Variants in BRAF observed in about 807,000 individuals in gnomAD.
BRAF encodes the protein B-Raf proto-oncogene, serine/threonine kinase.
BRAF carries 16 observed loss-of-function variants against 104.6 expected under a neutral mutation model. The ratio of observed to expected loss-of-function variants is 0.15; its 90% CI spans 0.10 to 0.23. BRAF has a LOEUF of 0.23. Among genes scored for constraint, BRAF ranks in the 10% least tolerant of loss-of-function variants. The probability of loss-of-function intolerance (pLI) is 1.00; values close to 1 mark genes in which losing one functional copy is unlikely to be tolerated. For synonymous variants in BRAF, 310 were observed against 341.6 expected, an observed-to-expected ratio of 0.91 and a Z score of 1.02; for missense variants, 541 against 937.3, an observed-to-expected ratio of 0.58 and a Z score of 5.52.
intron 18 of BRAF, among the ~76,000 whole-genome samples, chr7:140,738,998 G>A (rs1162129760): frequency 2.7e-5 from 4 of 146,976 alleles, no homozygotes; most frequent in African/African-American, 7.6e-5. Flanking sequence ...GAGTTATCAA[G>A]AATTAGGTAA....
intron 1 of BRAF, among the ~76,000 whole-genome samples, chr7:140,899,132 A>G (rs1006980302): frequency 1.3e-5 from 2 of 152,090 alleles, no homozygotes; most frequent in African/African-American, 4.8e-5. Flanking sequence ...ATATATTCAC[A>G]CATTTCTCTA....
chr7:140,825,098 C>T (rs1267608), intron 3 of BRAF, among the ~76,000 whole-genome samples: 45,002 of 151,160 alleles, frequency 0.3, 10,679 homozygotes, highest in African/African-American at 0.66. Flanking sequence ...GCCTCCCGAG[C>T]AGCTGGGGTT....
At position 140,719,790 on chromosome 7, in the gene BRAF, TAA is replaced by T; in HGVS notation, c.*6702_*6703del. 1 of 1,062,842 alleles carries T rather than the reference TAA, an allele frequency of 9.4e-7. No individual in the cohort carries two copies. The highest frequency in any genetic ancestry group is 1.1e-6 in the Non-Finnish European group (1 of 877,760). The allele number at this position is 1,062,842 out of a possible 1,614,324, so 65.8% of individuals were successfully genotyped here. On this transcript the variant is annotated 3_prime_UTR_variant, in exon 20 of 20. Transcript: ENST00000644969. ...AGGTATAGAGAGGTCTGTGGACAAT[TAA>T]AAAGTCCCCATCTTTTCACTGGGCA...
At chr7:140,745,436 G>C (rs539966666) in intron 17 of BRAF, among the ~76,000 whole-genome samples, 1 of 152,290 alleles carries the variant, frequency 6.6e-6, no homozygotes, top group South Asian at 2.1e-4. Context: ...CTGCTGGGGT[G>C]GGGTGCAGAG....
Position 140,783,131 on chromosome 7 carries a change from G to T in BRAF, c.1324C>A (p.Pro442Thr), listed in dbSNP as rs1316280257. 1 of 1,614,028 alleles carries T rather than the reference G, an allele frequency of 6.2e-7. No homozygotes were observed. Among genetic ancestry groups the T allele is most frequent in the Non-Finnish European group, 8.5e-7 (1 of 1,179,970 alleles). The change falls in exon 11 of 20, where the codon CCC becomes ACC. Residue 442 changes from proline (P) to threonine (T), a missense_variant. Around this residue, in one of 10 missense-constraint regions of BRAF, gnomAD observed 109 missense variants for 143.9 expected, o/e 0.76. Coordinates refer to ENST00000644969, the MANE Select transcript of BRAF (RefSeq NM_001374258.1). ...AGTGAGCCAGGTAATGAGGCAGGGG[G>T]GGTAGCAGACAAACCTGTGGTTGAT... ...RGSTTGLSAT[P>T]PASLPGSLTN...
At chr7:140,859,175 C>T (rs1420061819) in intron 1 of BRAF, among the ~76,000 whole-genome samples, 1 of 152,206 alleles carries the variant, frequency 6.6e-6, no homozygotes, top group African/African-American at 2.4e-5. Context: ...CAAAAGGCTA[C>T]TAAGAAGAGA....
In BRAF at chr7:140,722,074, C is replaced by T; in HGVS notation, c.*4420G>A. The T allele has an allele frequency of 3.7e-6, 4 of 1,091,340 alleles. No individual in the cohort carries two copies. Among genetic ancestry groups the T allele is most frequent in the Non-Finnish European group, 4.5e-6 (4 of 897,494 alleles). 67.6% of individuals were successfully genotyped at this position (1,091,340 alleles called of 1,614,324 possible). ...AACCCTAAACTACAGCAATTTCTGTCAACATTTCTGTTGTATAAAAGTTCC... is the reference window on the plus strand; with the variant it reads ...AACCCTAAACTACAGCAATTTCTGTTAACATTTCTGTTGTATAAAAGTTCC... On this transcript the variant is annotated 3_prime_UTR_variant, in exon 20 of 20. Coordinates refer to ENST00000644969, the MANE Select transcript of BRAF (RefSeq NM_001374258.1).
intron 1 of BRAF, among the ~76,000 whole-genome samples, chr7:140,899,825 C>T (rs1293840147): frequency 6.6e-6 from 1 of 152,190 alleles, no homozygotes; most frequent in Non-Finnish European, 1.5e-5. Flanking sequence ...GTGCCTTGTA[C>T]AAACTCCCCT....
intron 1 of BRAF, among the ~76,000 whole-genome samples, chr7:140,919,853 G>GT (rs1240208920): frequency 6.8e-6 from 1 of 147,820 alleles, no homozygotes; most frequent in African/African-American, 2.5e-5. Flanking sequence ...TTGTTTGTTT[G>GT]TTTGTTTTGA....
chr7:140,901,364 G>C (rs1815607972), intron 1 of BRAF, among the ~76,000 whole-genome samples: 1 of 152,216 alleles, frequency 6.6e-6, no homozygotes, highest in East Asian at 1.9e-4. Context: ...CATTCACAAA[G>C]GTAATAACCA....
At chr7:140,857,100 CAG>C (rs982833741) in intron 1 of BRAF, among the ~76,000 whole-genome samples, 2 of 151,980 alleles carry the variant, frequency 1.3e-5, no homozygotes, top group African/African-American at 4.8e-5. Context: ...TATTGTGAAA[CAG>C]GGAGATTATT....
chr7:140,910,969 C>T (rs898295472), intron 1 of BRAF, among the ~76,000 whole-genome samples: 3 of 152,108 alleles, frequency 2.0e-5, no homozygotes, highest in South Asian at 2.1e-4. Context: ...CCAACCAAAA[C>T]GCTAACTTCG....
At position 140,923,634 on chromosome 7, in the gene BRAF, C is replaced by G. The variant is rs537400172; in HGVS notation, c.138+932G>C. ...CCAAAAAGTGCCAGTAGTGCAAGCG[C>G]GAAAAGAGCCAAGTGAAACCTGATG... On this transcript the variant is annotated intron_variant, in intron 1 of 19. Transcript: ENST00000644969. 2.6e-4 allele frequency among the ~76,000 whole-genome samples: 40 copies of G among 152,196 alleles called. 1 individual carries two copies. In the South Asian group the frequency reaches 5.0e-3, roughly 19 times the overall value.
intron 3 of BRAF, among the ~76,000 whole-genome samples, chr7:140,817,627 T>C (rs1450165772): frequency 3.9e-5 from 6 of 152,056 alleles, no homozygotes; most frequent in African/African-American, 1.4e-4. Context: ...TAGAGAACAA[T>C]GAAATAATTC....
intron 1 of BRAF, among the ~76,000 whole-genome samples, chr7:140,888,911 C>T (rs1346966726): frequency 6.6e-6 from 1 of 152,044 alleles, no homozygotes; most frequent in Non-Finnish European, 1.5e-5. Context: ...GGAAATGTCT[C>T]CCGGCATTTT....
intron 3 of BRAF, among the ~76,000 whole-genome samples, chr7:140,819,384 A>C (rs890466666): frequency 6.6e-6 from 1 of 152,202 alleles, no homozygotes; most frequent in African/African-American, 2.4e-5. Context: ...AATAATAAAC[A>C]AGTTTGGCAG....
At chr7:140,847,605 A>G (rs1338883944) in intron 2 of BRAF, among the ~76,000 whole-genome samples, 3 of 152,110 alleles carry the variant, frequency 2.0e-5, no homozygotes, top group Non-Finnish European at 2.9e-5. Context: ...AAAGACAGAC[A>G]ATTGCTATTC....
chr7:140,862,649 T>C (rs1031070914), intron 1 of BRAF, among the ~76,000 whole-genome samples: 3 of 152,088 alleles, frequency 2.0e-5, no homozygotes, highest in African/African-American at 7.2e-5. Flanking sequence ...AGACTTTTCA[T>C]CAGCAACATT....
At chr7:140,734,797 G>GAAAAAAAAAAAAA (rs60814637) in intron 18 of BRAF, 27 bp from the exon 18 acceptor site, 6 of 1,130,064 alleles carry the variant, frequency 5.3e-6, no homozygotes, top group African/African-American at 2.1e-5. Flanking sequence ...AAAAAAAAAA[G>GAAAAAAAAAAAAA]AAAAAAAAAG....
Sources: gnomAD v4.1 joint callset for allele counts (sites outside exome capture counted in the v4.1 genomes callset) on GRCh38, gnomAD v4.1.1 for gene constraint, gnomAD v4.1.1 regional missense constraint, MANE v1.5 for transcripts, NCBI Gene and HGNC (gene_info 2026-07-23, HGNC 2026-07-21) for gene names.